The following TACR3 variants were observed in gnomAD, a reference collection of about 807,000 sequenced individuals.
The protein encoded by TACR3 is neuromedin-K receptor.
In TACR3, 34 loss-of-function variants were observed where a neutral mutation model predicts 35.0. The observed-to-expected ratio is 0.97, with a 90% CI of 0.74 to 1.30. The LOEUF (loss-of-function observed/expected upper bound fraction) is 1.30, where lower values mean the gene tolerates loss of function less well. Among genes scored for constraint, TACR3 ranks in the 50% most tolerant of loss-of-function variants. TACR3 has a pLI of 0.00. For missense variants in TACR3, 558 were observed against 591.7 expected, an observed-to-expected ratio of 0.94 and a Z score of 0.59; for synonymous variants, 233 against 221.1, an observed-to-expected ratio of 1.05 and a Z score of -0.48.
intron 1 of TACR3, among the ~76,000 whole-genome samples, chr4:103,690,919 C>T (rs373515073): frequency 3.0e-4 from 45 of 151,996 alleles, no homozygotes; most frequent in African/African-American, 6.5e-4. Flanking sequence ...TTATGTCACA[C>T]GCAATAGGTA....
At chr4:103,602,732 C>A (rs996136241) in intron 3 of TACR3, among the ~76,000 whole-genome samples, 1 of 152,180 alleles carries the variant, frequency 6.6e-6, no homozygotes, top group East Asian at 1.9e-4. Flanking sequence ...ATGCTGCTGT[C>A]TGATCGTTCC....
intron 3 of TACR3, among the ~76,000 whole-genome samples, chr4:103,597,755 A>C (rs1724070011): frequency 6.6e-6 from 1 of 152,086 alleles, no homozygotes; most frequent in South Asian, 2.1e-4. Flanking sequence ...TTCCAGTTTC[A>C]TCCATGTCCC....
At chr4:103,662,217 G>GGTTTTTTTTTTTT (rs1553972885) in intron 1 of TACR3, among the ~76,000 whole-genome samples, 2 of 86,272 alleles carry the variant, frequency 2.3e-5, no homozygotes, top group Non-Finnish European at 4.6e-5. Context: ...TGTTGATGGT[G>GGTTTTTTTTTTTT]TTTTTTTTTT....
At chr4:103,624,770 G>C (rs958779753) in intron 3 of TACR3, among the ~76,000 whole-genome samples, 26 of 152,148 alleles carry the variant, frequency 1.7e-4, no homozygotes, top group Non-Finnish European at 2.8e-4. Flanking sequence ...TTGACTTGAA[G>C]GAGAGTGAAA....
intron 1 of TACR3, among the ~76,000 whole-genome samples, chr4:103,711,813 G>C (rs1233332187): frequency 6.6e-6 from 1 of 152,068 alleles, no homozygotes; most frequent in East Asian, 1.9e-4. Flanking sequence ...ATACAAAATC[G>C]ATGTGCAAAA....
chr4:103,679,574 C>A (rs890584163), intron 1 of TACR3, among the ~76,000 whole-genome samples: 1 of 151,916 alleles, frequency 6.6e-6, no homozygotes, highest in Non-Finnish European at 1.5e-5. Context: ...AATAACAACC[C>A]TTTGTGGAGT....
At chr4:103,658,528 A>G in intron 1 of TACR3, 125 bp from the exon 2 acceptor site, 2 of 846,332 alleles carry the variant, frequency 2.4e-6, no homozygotes, top group Non-Finnish European at 1.9e-6. Flanking sequence ...AAACCAGTTG[A>G]TAAGGACTGC....
chr4:103,603,475 C>G (rs138675824), intron 3 of TACR3, among the ~76,000 whole-genome samples: 30 of 152,352 alleles, frequency 2.0e-4, no homozygotes, highest in African/African-American at 7.0e-4. Flanking sequence ...AATCACCCGT[C>G]TTCTGCGTTG....
chr4:103,714,062 C>A (rs2110232976), intron 1 of TACR3, among the ~76,000 whole-genome samples: 1 of 152,154 alleles, frequency 6.6e-6, no homozygotes, highest in Middle Eastern at 3.4e-3. Flanking sequence ...GGGATATAAG[C>A]AAATGATACT....
chr4:103,652,278 G>A (rs1282662435), intron 3 of TACR3, among the ~76,000 whole-genome samples: 2 of 152,110 alleles, frequency 1.3e-5, no homozygotes, highest in Non-Finnish European at 2.9e-5. Context: ...CCGTGGGATG[G>A]GTGACTCCCA....
rs749802263 is a variant in TACR3, at chr4:103,719,459, T to G, written c.217A>C (p.Asn73His). 2 of 1,614,162 alleles carry G rather than the reference T, an allele frequency of 1.2e-6. No homozygotes were observed. Among genetic ancestry groups the G allele is most frequent in the Admixed American group, 3.3e-5 (2 of 60,034 alleles). ...GGCTGCACGAACTGGTTGGTGAGGTTGGCCCAGGGCTGGGAGGGCGCGGGG... is the reference window on the plus strand; with the variant it reads ...GGCTGCACGAACTGGTTGGTGAGGTGGGCCCAGGGCTGGGAGGGCGCGGGG... Reference protein sequence around the residue: ...ASPAPSQPWANLTNQFVQPSW... With the variant: ...ASPAPSQPWAHLTNQFVQPSW... Residue 73 changes from asparagine to histidine, a missense_variant, in exon 1 of 5, where the codon AAC (asparagine) becomes CAC (histidine). By Grantham distance (68) the Asn-to-His change is moderately conservative. Transcript: ENST00000304883.
At chr4:103,651,863 A>G (rs1319710043) in intron 3 of TACR3, among the ~76,000 whole-genome samples, 2 of 151,986 alleles carry the variant, frequency 1.3e-5, no homozygotes, top group East Asian at 3.9e-4. Context: ...CTTCTAGTCC[A>G]GGTTGTGTCT....
At chr4:103,626,735 T>C (rs1724899737) in intron 3 of TACR3, among the ~76,000 whole-genome samples, 1 of 152,126 alleles carries the variant, frequency 6.6e-6, no homozygotes, top group African/African-American at 2.4e-5. Flanking sequence ...TTCAGTATAG[T>C]TTAAGGTTAA....
At chr4:103,630,429 A>C (rs192287797) in intron 3 of TACR3, among the ~76,000 whole-genome samples, 43 of 152,324 alleles carry the variant, frequency 2.8e-4, no homozygotes, top group African/African-American at 1.0e-3. Flanking sequence ...AAATCTTTGC[A>C]ATCTACCTAT....
chr4:103,608,983 C>G (rs1724450719), intron 3 of TACR3, among the ~76,000 whole-genome samples: 2 of 151,994 alleles, frequency 1.3e-5, no homozygotes, highest in South Asian at 4.1e-4. Flanking sequence ...ATGTCATTAG[C>G]TAAATAGATG....
chr4:103,656,942 T>C (rs867076348), intron 2 of TACR3, among the ~76,000 whole-genome samples: 8 of 119,674 alleles, frequency 6.7e-5, no homozygotes, highest in African/African-American at 3.3e-4. Context: ...ATTGTTAACT[T>C]GGTAAAAACA....
At chr4:103,611,807 T>C (rs776085186) in intron 3 of TACR3, among the ~76,000 whole-genome samples, 5 of 152,192 alleles carry the variant, frequency 3.3e-5, no homozygotes, top group Non-Finnish European at 7.4e-5. Context: ...TCTATCTGAC[T>C]GCCAGAGACA....
intron 3 of TACR3, among the ~76,000 whole-genome samples, chr4:103,622,851 C>T (rs923150373): frequency 5.9e-5 from 9 of 151,950 alleles, no homozygotes; most frequent in African/African-American, 2.2e-4. Context: ...GCTATCAGAC[C>T]CAGAGGAGAC....
chr4:103,707,064 T>A (rs1331899120), intron 1 of TACR3, among the ~76,000 whole-genome samples: 1 of 152,224 alleles, frequency 6.6e-6, no homozygotes, highest in Non-Finnish European at 1.5e-5. Context: ...TCTGGTACCA[T>A]GGCTTTGGCC....
Sources: allele counts gnomAD v4.1 joint callset (sites outside exome capture counted in the v4.1 genomes callset), GRCh38; gene constraint gnomAD v4.1.1; transcripts MANE v1.5; gene names NCBI Gene and HGNC (gene_info 2026-07-23, HGNC 2026-07-21).